Variants in SLC1A3 observed in about 807,000 individuals in gnomAD.
SLC1A3 encodes solute carrier family 1 member 3.
SLC1A3 carries 21 observed loss-of-function variants against 48.1 expected under a neutral mutation model. That is an observed-to-expected ratio of 0.44 (90% CI 0.31 to 0.63). The LOEUF (loss-of-function observed/expected upper bound fraction) is 0.63, where lower values mean the gene tolerates loss of function less well. SLC1A3 is among the 20% of genes least tolerant of loss of function. The probability of loss-of-function intolerance (pLI) is 0.08; values close to 1 mark genes in which losing one functional copy is unlikely to be tolerated. For missense variants in SLC1A3, 546 were observed against 689.0 expected, an observed-to-expected ratio of 0.79 and a Z score of 2.32; for synonymous variants, 239 against 251.4, an observed-to-expected ratio of 0.95 and a Z score of 0.47.
intron 8 of SLC1A3, among the ~76,000 whole-genome samples, chr5:36,681,078 G>C (rs1742425522): frequency 6.6e-6 from 1 of 152,018 alleles, no homozygotes; most frequent in African/African-American, 2.4e-5. Flanking sequence ...TTAATAACAA[G>C]GTTCAAAAAA....
intron 2 of SLC1A3, among the ~76,000 whole-genome samples, chr5:36,624,449 T>C (rs1041261019): frequency 2.0e-5 from 3 of 152,192 alleles, no homozygotes; most frequent in Non-Finnish European, 4.4e-5. Context: ...AACCCCTCTT[T>C]AAGCCTACTG....
At chr5:36,644,426 T>C (rs1023191226) in intron 3 of SLC1A3, among the ~76,000 whole-genome samples, 3 of 152,222 alleles carry the variant, frequency 2.0e-5, no homozygotes, top group Admixed American at 1.3e-4. Context: ...GTTATAACTT[T>C]TTGTTGCACT....
intron 8 of SLC1A3, among the ~76,000 whole-genome samples, chr5:36,680,855 G>T (rs190941111): frequency 2.6e-4 from 39 of 151,326 alleles, no homozygotes; most frequent in African/African-American, 9.2e-4. Context: ...GGCAGAGATT[G>T]CAGGGAGCTG....
chr5:36,659,959 T>C (rs1353765814), intron 3 of SLC1A3, among the ~76,000 whole-genome samples: 2 of 152,244 alleles, frequency 1.3e-5, no homozygotes, highest in East Asian at 1.9e-4. Flanking sequence ...CATAGTCCTT[T>C]GAATCCTTCA....
At chr5:36,607,670 A>T (rs1051132261) in intron 1 of SLC1A3, among the ~76,000 whole-genome samples, 1 of 152,226 alleles carries the variant, frequency 6.6e-6, no homozygotes, top group African/African-American at 2.4e-5. Flanking sequence ...TGATTTATAG[A>T]TGTGCCCAGA....
At chr5:36,617,776 AC>A (rs1319168490) in intron 2 of SLC1A3, among the ~76,000 whole-genome samples, 4 of 152,292 alleles carry the variant, frequency 2.6e-5, no homozygotes, top group Non-Finnish European at 5.9e-5. Flanking sequence ...GCATAATATA[AC>A]TTATTTAAGC....
intron 5 of SLC1A3, 119 bp downstream of exon 5, chr5:36,674,210 A>G (rs916919128): frequency 4.6e-6 from 4 of 861,742 alleles, no homozygotes; most frequent in Admixed American, 2.0e-5. Context: ...CTTGTCAACC[A>G]GATTAAAAAC....
chr5:36,669,769 C>T (rs906229665), intron 3 of SLC1A3: 13 of 151,986 alleles, frequency 8.6e-5, no homozygotes, highest in African/African-American at 2.9e-4. Flanking sequence ...ATCTGGCAAT[C>T]GTAGACACCA....
chr5:36,684,086 G>A (rs1395375062), intron 9 of SLC1A3, 88 bp downstream of exon 9: 2 of 1,525,832 alleles, frequency 1.3e-6, no homozygotes, highest in South Asian at 1.1e-5. Context: ...CACATCTACA[G>A]AAAGAACTCT....
chr5:36,600,137 A>C (rs1738792251), intron 1 of SLC1A3, among the ~76,000 whole-genome samples: 1 of 152,098 alleles, frequency 6.6e-6, no homozygotes, highest in Non-Finnish European at 1.5e-5. Flanking sequence ...TTGCCCCAAC[A>C]ACTTGGAATA....
At chr5:36,600,198 G>A (rs1457079995) in intron 1 of SLC1A3, among the ~76,000 whole-genome samples, 1 of 152,114 alleles carries the variant, frequency 6.6e-6, no homozygotes, top group East Asian at 1.9e-4. Flanking sequence ...GAGAGGAGGA[G>A]GGGAAGCTAG....
intron 2 of SLC1A3, chr5:36,613,543 G>C (rs940806449): frequency 6.6e-6 from 1 of 152,286 alleles, no homozygotes; most frequent in Non-Finnish European, 1.5e-5. Flanking sequence ...ACAGTCGGGC[G>C]CCCACACCTC....
chr5:36,623,593 C>T (rs7730537), intron 2 of SLC1A3, among the ~76,000 whole-genome samples: 98,056 of 151,046 alleles, frequency 0.65, 32,074 homozygotes, highest in South Asian at 0.72. Flanking sequence ...AGGTGGTTCA[C>T]GCCTGTAATC....
chr5:36,642,446 A>G (rs1333884984), intron 3 of SLC1A3, among the ~76,000 whole-genome samples: 1 of 152,232 alleles, frequency 6.6e-6, no homozygotes, highest in African/African-American at 2.4e-5. Flanking sequence ...CTTATTTTAC[A>G]ATAGAAAAAG....
rs899196025 is a variant in SLC1A3 at position 36,671,105 on chromosome 5, C to T, written c.396C>T (p.Ile132=). Residue 132 remains isoleucine, a synonymous_variant, in exon 4 of 10, where the codon ATC becomes ATT. Coordinates refer to ENST00000265113, the MANE Select transcript of SLC1A3 (RefSeq NM_004172.5). ...RAVVYYMTTT[I]IAVVIGIIIV... ...TAGTCTATTATATGACTACCACCAT[C>T]ATTGCTGTGGTGATTGGCATAATCA... The T allele has an allele frequency of 7.4e-6, 12 of 1,612,110 alleles. No individual in the cohort carries two copies. Among genetic ancestry groups the T allele is most frequent in the African/African-American group, 4.0e-5 (3 of 74,870 alleles).
At chr5:36,612,943 GA>G in intron 2 of SLC1A3, 1 of 428,408 alleles carries the variant, frequency 2.3e-6, no homozygotes, top group Non-Finnish European at 4.7e-6. Flanking sequence ...AGGTCGAACT[GA>G]AAGCCCACTG....
intron 3 of SLC1A3, chr5:36,668,595 C>T (rs1367149761): frequency 6.6e-6 from 1 of 152,164 alleles, no homozygotes; most frequent in Non-Finnish European, 1.5e-5. Context: ...GCAGCTGTTA[C>T]TTTATTCTCT....
chr5:36,666,395 A>G (rs140174736), intron 3 of SLC1A3: 1 of 152,308 alleles, frequency 6.6e-6, no homozygotes, highest in Non-Finnish European at 1.5e-5. Context: ...GGGTACATCT[A>G]AAATAAAATA....
At chr5:36,645,757 C>T (rs1224709736) in intron 3 of SLC1A3, among the ~76,000 whole-genome samples, 3 of 152,162 alleles carry the variant, frequency 2.0e-5, no homozygotes, top group African/African-American at 4.8e-5. Flanking sequence ...AAATCAGTTG[C>T]ACATTTGTAC....
Sources: allele counts gnomAD v4.1 joint callset (sites outside exome capture counted in the v4.1 genomes callset), GRCh38; gene constraint gnomAD v4.1.1; transcripts MANE v1.5; gene names NCBI Gene and HGNC (gene_info 2026-07-23, HGNC 2026-07-21).